The following MCM10 variants were observed in gnomAD, a reference collection of about 807,000 sequenced individuals.
MCM10 encodes the protein minichromosome maintenance 10 replication initiation factor, also known as protein MCM10 homolog.
MCM10 carries 91 observed loss-of-function variants against 109.9 expected under a neutral mutation model. The observed-to-expected ratio is 0.83, with a 90% CI of 0.70 to 0.99. MCM10 has a LOEUF of 0.99. MCM10 is among the 50% of genes least tolerant of loss of function. MCM10 has a pLI of 0.00. For synonymous variants in MCM10, 380 were observed against 387.2 expected (o/e 0.98, Z 0.22); for missense variants, 1,077 against 1,061.2 (o/e 1.01, Z -0.21).
intron 17 of MCM10, among the ~76,000 whole-genome samples, chr10:13,203,765 T>A (rs1453326194): frequency 6.6e-6 from 1 of 151,944 alleles, no homozygotes; most frequent in Admixed American, 6.6e-5. Flanking sequence ...GGAGTAAGAA[T>A]AAGCCTATAT....
intron 8 of MCM10, 54 bp downstream of exon 8, chr10:13,183,154 G>C (rs1363951917): frequency 5.1e-6 from 8 of 1,581,200 alleles, no homozygotes; most frequent in Non-Finnish European, 6.9e-6. Flanking sequence ...AGTTAACTGA[G>C]TTTTATCAAA....
chr10:13,193,111 T>G (rs755743356), intron 13 of MCM10, among the ~76,000 whole-genome samples: 58 of 152,198 alleles, frequency 3.8e-4, no homozygotes, highest in Admixed American at 1.4e-3. Context: ...GGTCTCAAAT[T>G]CCTGGACGCA....
Position 13,170,843 on chromosome 10 carries a change from G to A in MCM10, c.8-79G>A. 5 of 1,273,030 alleles carry A rather than the reference G, an allele frequency of 3.9e-6. No homozygotes were observed. In the South Asian group the frequency reaches 4.2e-5, roughly 11 times the overall value. 78.9% of individuals were successfully genotyped at this position (1,273,030 alleles called of 1,614,324 possible). A position where few individuals can be genotyped will look rare whatever the true frequency, so the allele number is the denominator to read the frequency against. ...TTAGGTAGTTTCTCTTACCCCCATG[G>A]GGTCATTTAAATTGCCTAAAGTTGA... On this transcript the variant is annotated intron_variant, in intron 2 of 19. Coordinates refer to ENST00000378714, the MANE Select transcript of MCM10 (RefSeq NM_018518.5).
rs1380929931 is a variant in MCM10, at chr10:13,172,022, C to A, written c.350-354C>A. ...ACTGCTGGGCTCTTGCGTCCTCCTGCCTCAGCCTCCCAAAATGCTGTGATT... is the reference window on the plus strand; with the variant it reads ...ACTGCTGGGCTCTTGCGTCCTCCTGACTCAGCCTCCCAAAATGCTGTGATT... On this transcript the variant is annotated intron_variant, in intron 3 of 19. Transcript: ENST00000378714. The surrounding 1 kb of genome is among the most constrained non-coding windows in gnomAD (Gnocchi z 5.2). Among the ~76,000 whole-genome samples, 1 of 152,054 alleles carries A rather than the reference C, an allele frequency of 6.6e-6. No individual in the cohort carries two copies. The highest frequency in any genetic ancestry group is 2.4e-5 in the African/African-American group (1 of 41,400).
At chr10:13,206,669 C>T (rs541442057) in intron 18 of MCM10, among the ~76,000 whole-genome samples, 3 of 151,980 alleles carry the variant, frequency 2.0e-5, no homozygotes, top group Non-Finnish European at 4.4e-5. Context: ...TTATGGAAAA[C>T]GTTAGAAAAA....
intron 18 of MCM10, among the ~76,000 whole-genome samples, chr10:13,206,156 A>G (rs1253109906): frequency 1.3e-5 from 2 of 152,166 alleles, no homozygotes; most frequent in Non-Finnish European, 2.9e-5. Context: ...TATTTCACAT[A>G]GGTGGTACAG....
At chr10:13,201,207 T>G (rs1834493774) in intron 16 of MCM10, among the ~76,000 whole-genome samples, 1 of 152,170 alleles carries the variant, frequency 6.6e-6, no homozygotes, top group Non-Finnish European at 1.5e-5. Context: ...TTTTTGCATA[T>G]TAAGAGCTCG....
chr10:13,201,047 G>A lies in MCM10; in HGVS notation c.2239-374G>A, dbSNP rs997792849. Among the ~76,000 whole-genome samples the A allele has an allele frequency of 2.0e-5, 3 of 152,140 alleles. No individual in the cohort carries two copies. The East Asian group carries it at 5.8e-4, about 29-fold the overall frequency. ...GTAGTCCCTACTACTCAGGAGGCTG[G>A]TGCAGGAGAATCACTTGAACCCAGG... is the stretch of plus-strand genomic sequence containing the variant. On this transcript the variant is annotated intron_variant, in intron 16 of 19. Transcript: ENST00000378714.
chr10:13,169,025 G>A (rs1834036416), intron 2 of MCM10, among the ~76,000 whole-genome samples: 1 of 152,202 alleles, frequency 6.6e-6, no homozygotes, highest in African/African-American at 2.4e-5. Context: ...GCTCCCTGGG[G>A]GCCAGGCGTG....
chr10:13,189,199 T>A, intron 10 of MCM10, 119 bp downstream of exon 10: 1 of 1,044,398 alleles, frequency 9.6e-7, no homozygotes, highest in South Asian at 1.6e-5. Flanking sequence ...CTTTCATAAC[T>A]CACTACTTGA....
rs1490984441 is a variant in MCM10, at chr10:13,195,118, G to A, written c.1823G>A (p.Arg608Gln). ...AGACAGCCCCCTGCTCAGCCTCCAC[G>A]GACAGGATCCGAGTTCCCCAGGCTG... ...SSRQPPAQPP[R>Q]TGSEFPRLEG... is the part of the protein sequence containing the mutation. The change falls in exon 14 of 20, where the codon CGG becomes CAG. Residue 608 changes from arginine to glutamine, a missense_variant. Coordinates refer to ENST00000378714, the MANE Select transcript of MCM10 (RefSeq NM_018518.5). The A allele has an allele frequency of 1.2e-6, 2 of 1,614,096 alleles. No individual in the cohort carries two copies. Among genetic ancestry groups the A allele is most frequent in the South Asian group, 1.1e-5 (1 of 91,072 alleles).
intron 2 of MCM10, among the ~76,000 whole-genome samples, chr10:13,167,002 G>C (rs1004446556): frequency 6.6e-6 from 1 of 151,980 alleles, no homozygotes; most frequent in South Asian, 2.1e-4. Flanking sequence ...AGCTGGGCAT[G>C]GTGGTGTGCA....
In MCM10 at chr10:13,201,526, T is replaced by C. The variant is rs1211124141; in HGVS notation, c.2344T>C (p.Cys782Arg). ...IREVKCRVVT[C>R]KTCAYTHFKL... ...AGAAGTGAAGTGCCGTGTCGTGACA[T>C]GCAAGACGGTGGGTGAAGGTGGGGG... The change falls in exon 17 of 20, where the codon TGC becomes CGC. Residue 782 changes from cysteine to arginine, a missense_variant. By Grantham distance (180) the Cys-to-Arg change is radical. Transcript: ENST00000378714. 1 of 1,607,636 alleles carries C rather than the reference T, an allele frequency of 6.2e-7. No individual in the cohort carries two copies. Among genetic ancestry groups the C allele is most frequent in the Non-Finnish European group, 8.5e-7 (1 of 1,176,802 alleles).
At position 13,199,816 on chromosome 10, in the gene MCM10, A is replaced by G. The variant is rs548508365; in HGVS notation, c.2238+1009A>G. Among the ~76,000 whole-genome samples, 12 of 152,248 alleles carry G rather than the reference A, an allele frequency of 7.9e-5. No homozygotes were observed. The East Asian group carries it at 1.9e-3, about 24-fold the overall frequency. On this transcript the variant is annotated intron_variant, in intron 16 of 19. Coordinates refer to ENST00000378714, the MANE Select transcript of MCM10 (RefSeq NM_018518.5). ...ATAGGTTTGTGTCTTGGTAAATAGC[A>G]TGGACCTATTTCTTTGATAATGTAG...
chr10:13,163,883 A>T (rs982085757), intron 1 of MCM10, among the ~76,000 whole-genome samples: 2 of 152,094 alleles, frequency 1.3e-5, no homozygotes, highest in African/African-American at 4.8e-5. Flanking sequence ...ATCTAGTGTG[A>T]TTTACAAACT....
At chr10:13,207,176 TG>T (rs2131592592) in intron 18 of MCM10, among the ~76,000 whole-genome samples, 1 of 152,108 alleles carries the variant, frequency 6.6e-6, no homozygotes, top group African/African-American at 2.4e-5. Flanking sequence ...TTAGGCTTTG[TG>T]GGCCAGATGA....
intron 2 of MCM10, among the ~76,000 whole-genome samples, chr10:13,164,877 A>C (rs1833973953): frequency 6.6e-6 from 1 of 152,174 alleles, no homozygotes; most frequent in Non-Finnish European, 1.5e-5. Context: ...TGGGCAATAG[A>C]GTGAGACCTC....
chr10:13,161,608 T>G lies in MCM10; in HGVS notation c.-76+2T>G, dbSNP rs993025084. 1.3e-5 allele frequency: 2 copies of G among 152,292 alleles called. No homozygotes were observed. The highest frequency in any genetic ancestry group is 1.3e-4 in the Admixed American group (2 of 15,298). The allele number at this position is 152,292 out of a possible 1,614,324, so 9.4% of individuals were successfully genotyped here. A position where few individuals can be genotyped will look rare whatever the true frequency, so the allele number is the denominator to read the frequency against. Reference sequence around the variant, plus strand: ...ACGAAGAAGGCGTCCCGGCATCGGGTGAGGAGCGCGGGCCCCGGGCGTGCG... The same window carrying G: ...ACGAAGAAGGCGTCCCGGCATCGGGGGAGGAGCGCGGGCCCCGGGCGTGCG... On this transcript the variant is annotated splice_donor_variant, in intron 1 of 19. Transcript: ENST00000378714. LOFTEE classifies it low-confidence loss of function (5UTR_SPLICE).
rs546875897 is a variant in MCM10, at chr10:13,171,067, C to T, written c.153C>T (p.Asp51=). 9.3e-6 allele frequency: 15 copies of T among 1,614,140 alleles called. No individual in the cohort carries two copies. Among genetic ancestry groups the T allele is most frequent in the African/African-American group, 2.7e-5 (2 of 75,026 alleles). ...AFDELFDADG[D]GESYTEEADD... ...ATGAGCTCTTTGATGCCGACGGCGA[C>T]GGTGAATCTTATACAGAAGAGGCTG... The change falls in exon 3 of 20, where the codon GAC becomes GAT. Residue 51 remains aspartate (D), a synonymous_variant. Transcript: ENST00000378714.
Sources: gnomAD v4.1 joint callset for allele counts (sites outside exome capture counted in the v4.1 genomes callset) on GRCh38, gnomAD v4.1.1 for gene constraint, Gnocchi (gnomAD v3.1) non-coding constraint, MANE v1.5 for transcripts, NCBI Gene and HGNC (gene_info 2026-07-23, HGNC 2026-07-21) for gene names.